The following CDH12 variants were observed in gnomAD, a reference collection of about 807,000 sequenced individuals.
CDH12 encodes cadherin-12.
Under a neutral mutation model 74.1 loss-of-function variants are expected in CDH12, and 41 were observed. That is an observed-to-expected ratio of 0.55 (90% CI 0.43 to 0.72). The LOEUF is 0.72. Among genes scored for constraint, CDH12 ranks in the 30% least tolerant of loss-of-function variants. The pLI, the probability that CDH12 is intolerant of heterozygous loss-of-function variation, is 0.00. For missense variants in CDH12, 945 were observed against 977.2 expected (o/e 0.97, Z 0.44); for synonymous variants, 399 against 355.0 (o/e 1.12, Z -1.39).
intron 5 of CDH12, among the ~76,000 whole-genome samples, chr5:22,018,807 C>T (rs1300205402): frequency 2.0e-5 from 3 of 152,270 alleles, no homozygotes; most frequent in Non-Finnish European, 2.9e-5. Flanking sequence ...CACGGTGGCT[C>T]ATGCCTGTAA....
rs1184933779 is a variant in CDH12, at chr5:22,798,409, A to C, written c.-523+54649T>G. On this transcript the variant is annotated intron_variant, in intron 1 of 14. Coordinates refer to ENST00000382254, the MANE Select transcript of CDH12 (RefSeq NM_004061.5). Reference sequence around the variant, plus strand: ...ATCATATATATTTTTTAAATTTTACAAACAGTGCAGTTTTTTATTAGAAAT... The same window carrying C: ...ATCATATATATTTTTTAAATTTTACCAACAGTGCAGTTTTTTATTAGAAAT... 2.6e-5 allele frequency among the ~76,000 whole-genome samples: 4 copies of C among 152,264 alleles called. No individual in the cohort carries two copies. The East Asian group carries it at 5.8e-4, about 22-fold the overall frequency.
chr5:21,858,666 A>G (rs1461998849), intron 6 of CDH12, among the ~76,000 whole-genome samples: 1 of 151,924 alleles, frequency 6.6e-6, no homozygotes, highest in Non-Finnish European at 1.5e-5. Flanking sequence ...CTAGGGAAAC[A>G]CCTTGAACAA....
intron 4 of CDH12, among the ~76,000 whole-genome samples, chr5:22,159,333 T>C (rs770589586): frequency 2.6e-5 from 4 of 152,176 alleles, no homozygotes; most frequent in Admixed American, 6.6e-5. Context: ...TGAAAATGAA[T>C]AGTTTTCTCC....
intron 1 of CDH12, among the ~76,000 whole-genome samples, chr5:22,708,244 G>A (rs1245357145): frequency 3.3e-5 from 5 of 152,092 alleles, no homozygotes; most frequent in African/African-American, 1.2e-4. Context: ...AAGCACTTTG[G>A]TGAGTATTGG....
chr5:21,842,505 T>G (rs1264013973), intron 7 of CDH12, among the ~76,000 whole-genome samples, 177 bp from the exon 8 acceptor site: 1 of 152,080 alleles, frequency 6.6e-6, no homozygotes, highest in East Asian at 1.9e-4. Context: ...AGGACATAAT[T>G]TAAAATATTA....
At chr5:22,207,879 G>GCAAAA (rs1192217612) in intron 4 of CDH12, among the ~76,000 whole-genome samples, 1 of 152,092 alleles carries the variant, frequency 6.6e-6, no homozygotes, top group Non-Finnish European at 1.5e-5. Context: ...CTACTTTACA[G>GCAAAA]GTAAGGTGAC....
chr5:22,198,014 A>T (rs1198370008), intron 4 of CDH12, among the ~76,000 whole-genome samples: 1 of 151,612 alleles, frequency 6.6e-6, no homozygotes, highest in Non-Finnish European at 1.5e-5. Context: ...AATAAGTATG[A>T]TTTTATTCAC....
intron 3 of CDH12, among the ~76,000 whole-genome samples, chr5:22,395,968 C>G (rs1160122292): frequency 1.3e-5 from 2 of 152,238 alleles, no homozygotes; most frequent in East Asian, 3.9e-4. Flanking sequence ...TCATTCCTTG[C>G]CTCCTGCCTT....
chr5:22,430,985 A>T (rs1444732798), intron 2 of CDH12, among the ~76,000 whole-genome samples: 7 of 152,176 alleles, frequency 4.6e-5, no homozygotes, highest in Non-Finnish European at 8.8e-5. Flanking sequence ...TTATATGAAC[A>T]AGTGTGAACA....
intron 6 of CDH12, among the ~76,000 whole-genome samples, chr5:21,886,933 G>A (rs371296296): frequency 3.2e-4 from 48 of 152,052 alleles, no homozygotes; most frequent in Non-Finnish European, 6.6e-4. Context: ...ACTTGGGGCC[G>A]TGAGAGTCAT....
At chr5:22,609,897 C>G (rs1248679784) in intron 1 of CDH12, among the ~76,000 whole-genome samples, 1 of 152,166 alleles carries the variant, frequency 6.6e-6, no homozygotes, top group African/African-American at 2.4e-5. Flanking sequence ...AAAGCCCATG[C>G]TAGTGTATAA....
At chr5:21,889,883 C>T (rs1243553594) in intron 6 of CDH12, 1 of 983,702 alleles carries the variant, frequency 1.0e-6, no homozygotes, top group Non-Finnish European at 1.2e-6. Context: ...CTTTTCTTAG[C>T]ATATAAGTTA....
At chr5:22,800,426 A>C (rs569094476) in intron 1 of CDH12, among the ~76,000 whole-genome samples, 2 of 152,258 alleles carry the variant, frequency 1.3e-5, no homozygotes, top group East Asian at 3.9e-4. Context: ...TCACAGCAAA[A>C]TTGAGAAGAA....
chr5:21,936,398 A>G (rs1561311848), intron 6 of CDH12, among the ~76,000 whole-genome samples: 3 of 151,360 alleles, frequency 2.0e-5, no homozygotes, highest in African/African-American at 7.3e-5. Flanking sequence ...TCACTCTTTT[A>G]TTTTTTTAAG....
chr5:22,080,045 A>C (rs1742614483), intron 4 of CDH12, among the ~76,000 whole-genome samples: 1 of 152,180 alleles, frequency 6.6e-6, no homozygotes, highest in South Asian at 2.1e-4. Context: ...CTCTAGAACA[A>C]GGGTGATTTT....
In CDH12 at chr5:22,401,216, C is replaced by T. The variant is rs551002299; in HGVS notation, c.-333+4041G>A. 2.5e-4 allele frequency among the ~76,000 whole-genome samples: 38 copies of T among 152,254 alleles called. 1 individual carries two copies. The South Asian group carries it at 7.9e-3, about 32-fold the overall frequency. ...TGCACAAAACATGTACGAAATAGCA[C>T]AGCCATAATTAGAAATTTACAGGCA... On this transcript the variant is annotated intron_variant, in intron 3 of 14. Coordinates refer to ENST00000382254, the MANE Select transcript of CDH12 (RefSeq NM_004061.5).
At chr5:22,682,736 AC>A (rs1480925077) in intron 1 of CDH12, among the ~76,000 whole-genome samples, 5 of 152,060 alleles carry the variant, frequency 3.3e-5, no homozygotes, top group African/African-American at 1.2e-4. Context: ...CATTGAGTAC[AC>A]TTAGGTAAAG....
intron 8 of CDH12, among the ~76,000 whole-genome samples, chr5:21,825,737 T>A (rs529592720): frequency 6.6e-6 from 1 of 152,300 alleles, no homozygotes; most frequent in African/African-American, 2.4e-5. Context: ...TTAGCAGTGT[T>A]CAACACTCTT....
chr5:22,671,349 A>T (rs1740890222), intron 1 of CDH12, among the ~76,000 whole-genome samples: 1 of 152,172 alleles, frequency 6.6e-6, no homozygotes, highest in Non-Finnish European at 1.5e-5. Flanking sequence ...TGAACAGCAG[A>T]TCTCCAGAAC....
Sources: gnomAD v4.1 joint callset for allele counts (sites outside exome capture counted in the v4.1 genomes callset) on GRCh38, gnomAD v4.1.1 for gene constraint, MANE v1.5 for transcripts, NCBI Gene and HGNC (gene_info 2026-07-23, HGNC 2026-07-21) for gene names.